Variants in PDE8B observed in about 807,000 individuals in gnomAD.
The protein encoded by PDE8B is high affinity cAMP-specific and IBMX-insensitive 3',5'-cyclic phosphodiesterase 8B.
Under a neutral mutation model 101.3 loss-of-function variants are expected in PDE8B, and 26 were observed. The ratio of observed to expected loss-of-function variants is 0.26; its 90% confidence interval spans 0.19 to 0.36. The LOEUF (loss-of-function observed/expected upper bound fraction) is 0.36. Among genes scored for constraint, PDE8B ranks in the 10% least tolerant of loss-of-function variants. The pLI, the probability that PDE8B is intolerant of heterozygous loss-of-function variation, is 1.00. For synonymous variants in PDE8B, 424 were observed against 429.3 expected, an observed-to-expected ratio of 0.99 and a Z score of 0.15; for missense variants, 810 against 1,163.1, an observed-to-expected ratio of 0.70 and a Z score of 4.42.
At chr5:77,349,791 C>T (rs1581181007) in intron 8 of PDE8B, among the ~76,000 whole-genome samples, 1 of 152,124 alleles carries the variant, frequency 6.6e-6, no homozygotes, top group South Asian at 2.1e-4. Context: ...AACATTTCAT[C>T]CTGTGCATGA....
At chr5:77,306,630 T>C (rs1005727020) in intron 1 of PDE8B, among the ~76,000 whole-genome samples, 5 of 152,214 alleles carry the variant, frequency 3.3e-5, no homozygotes, top group African/African-American at 9.6e-5. Flanking sequence ...AATCCTTAGC[T>C]TCCCTCTTGT....
At chr5:77,309,176 CAGAAAGAAAGAAAGAAAGAAAAAGAA>C (rs1771944426) in intron 1 of PDE8B, among the ~76,000 whole-genome samples, 4 of 112,388 alleles carry the variant, frequency 3.6e-5, no homozygotes, top group Admixed American at 1.4e-4. Context: ...GAAACTCTGT[CAGAAAGAAAGAAAGAAAGAAAAAGAA>C]AGAAAGGAAG....
the PDE8B span, among the ~76,000 whole-genome samples, chr5:77,162,830 A>C: frequency 1.3e-5 from 2 of 152,222 alleles, no homozygotes; most frequent in Admixed American, 6.5e-5. Flanking sequence ...ACAGAGATCT[A>C]ATTTGTAAAT....
chr5:77,317,547 G>A (rs529926010), intron 2 of PDE8B, among the ~76,000 whole-genome samples: 16 of 152,298 alleles, frequency 1.1e-4, no homozygotes, highest in South Asian at 6.2e-4. Flanking sequence ...TGTGGAGCAC[G>A]TCTCTCCTGG....
chr5:77,404,785 C>T lies in PDE8B; in HGVS notation c.1276C>T (p.Arg426Ter), dbSNP rs1793090227. 2.5e-6 allele frequency: 4 copies of T among 1,592,368 alleles called. No individual in the cohort carries two copies. The highest frequency in any genetic ancestry group is 3.4e-6 in the Non-Finnish European group (4 of 1,160,422). Residue 426 changes from arginine (R) to a stop codon, truncating the protein, a stop_gained, in exon 12 of 22, where the codon CGA becomes TGA. Transcript: ENST00000264917. LOFTEE classifies it high-confidence loss of function. ...CATTGACGTGAAATCGATATCATCT[C>T]GAGGCAGTGATGGTAAGATGTTTTT... ...ESIDVKSISS[R>*]GSDAPSLQNR...
intron 1 of PDE8B, among the ~76,000 whole-genome samples, chr5:77,229,206 T>G (rs1477436915): frequency 2.6e-5 from 4 of 152,240 alleles, no homozygotes; most frequent in Non-Finnish European, 5.9e-5. Context: ...AGTTAAGCCA[T>G]ATGTTCCTCT....
chr5:77,223,556 G>A (rs1751669223), intron 1 of PDE8B, among the ~76,000 whole-genome samples: 2 of 151,714 alleles, frequency 1.3e-5, no homozygotes, highest in South Asian at 4.2e-4. Context: ...TTACATCAAG[G>A]TTCTAAGTCA....
At chr5:77,372,773 C>T (rs1030347538) in intron 10 of PDE8B, among the ~76,000 whole-genome samples, 12 of 152,022 alleles carry the variant, frequency 7.9e-5, no homozygotes, top group African/African-American at 2.4e-4. Context: ...GGCCAGGTGT[C>T]GTGGCTCACG....
intron 10 of PDE8B, among the ~76,000 whole-genome samples, chr5:77,376,213 C>T (rs1041071995): frequency 2.0e-5 from 3 of 152,146 alleles, no homozygotes; most frequent in Non-Finnish European, 4.4e-5. Context: ...GGGATGGCTG[C>T]AGGTTTCAAG....
chr5:77,415,182 G>A (rs1378117553), intron 17 of PDE8B, among the ~76,000 whole-genome samples: 2 of 151,996 alleles, frequency 1.3e-5, no homozygotes, highest in Non-Finnish European at 2.9e-5. Context: ...TCAGAGGTTT[G>A]GTTACCTGCC....
chr5:77,419,227 C>T (rs753144732), intron 18 of PDE8B, among the ~76,000 whole-genome samples: 3 of 152,140 alleles, frequency 2.0e-5, no homozygotes, highest in Non-Finnish European at 4.4e-5. Context: ...AGTTAGAAAA[C>T]GACGACAGAA....
At chr5:77,121,742 G>A in the PDE8B span, among the ~76,000 whole-genome samples, 2 of 152,188 alleles carry the variant, frequency 1.3e-5, no homozygotes, top group East Asian at 1.9e-4. Flanking sequence ...TCCTGACCTC[G>A]TGATCCACCC....
intron 10 of PDE8B, among the ~76,000 whole-genome samples, chr5:77,367,279 G>A (rs1784315929): frequency 6.6e-6 from 1 of 152,170 alleles, no homozygotes; most frequent in African/African-American, 2.4e-5. Context: ...AAGGTGAGCA[G>A]CGTTGTGATG....
At chr5:77,100,033 T>C in the PDE8B span, among the ~76,000 whole-genome samples, 1 of 152,236 alleles carries the variant, frequency 6.6e-6, no homozygotes, top group Non-Finnish European at 1.5e-5. Context: ...TCAGAACTGT[T>C]AGGAAGAACT....
intron 1 of PDE8B, among the ~76,000 whole-genome samples, chr5:77,278,535 T>A (rs1456619039): frequency 3.9e-5 from 6 of 152,152 alleles, no homozygotes; most frequent in Non-Finnish European, 5.9e-5. Flanking sequence ...AGTGGCGCGA[T>A]CTTGTCTCAT....
chr5:77,229,918 G>A (rs1753199332), intron 1 of PDE8B, among the ~76,000 whole-genome samples: 1 of 152,126 alleles, frequency 6.6e-6, no homozygotes, highest in Non-Finnish European at 1.5e-5. Context: ...ACAGGTTTTG[G>A]TGTGGACATG....
chr5:77,308,625 A>G (rs1771805508), intron 1 of PDE8B, among the ~76,000 whole-genome samples: 1 of 152,166 alleles, frequency 6.6e-6, no homozygotes, highest in South Asian at 2.1e-4. Flanking sequence ...TCCTGCCTTT[A>G]GGAAGAAAAA....
chr5:77,252,150 C>A (rs1290063333), intron 1 of PDE8B, among the ~76,000 whole-genome samples: 1 of 152,166 alleles, frequency 6.6e-6, no homozygotes, highest in African/African-American at 2.4e-5. Context: ...CTAGATGACT[C>A]GTTGCTGCAA....
intron 14 of PDE8B, chr5:77,410,752 C>T (rs1794405796): frequency 6.6e-6 from 1 of 152,214 alleles, no homozygotes; most frequent in Non-Finnish European, 1.5e-5. Context: ...CATGTAACTT[C>T]AGGGGAGTCC....
Sources: gnomAD v4.1 joint callset for allele counts (sites outside exome capture counted in the v4.1 genomes callset) on GRCh38, gnomAD v4.1.1 for gene constraint, MANE v1.5 for transcripts, NCBI Gene and HGNC (gene_info 2026-07-23, HGNC 2026-07-21) for gene names.